Variants in CRIP1 observed in about 807,000 individuals in gnomAD.
CRIP1 encodes cysteine rich protein 1.
CRIP1 carries 11 observed loss-of-function variants against 12.9 expected under a neutral mutation model. The ratio of observed to expected loss-of-function variants is 0.86; its 90% CI spans 0.54 to 1.42. The LOEUF (loss-of-function observed/expected upper bound fraction) is 1.42. CRIP1 is among the 40% of genes most tolerant of loss of function. The probability of loss-of-function intolerance (pLI) is 0.00; values close to 1 mark genes in which losing one functional copy is unlikely to be tolerated. For synonymous variants in CRIP1, 41 were observed against 37.2 expected (o/e 1.10, Z -0.37); for missense variants, 122 against 101.3 (o/e 1.20, Z -0.88).
In CRIP1 at chr14:105,488,404, C is replaced by CG; in HGVS notation, c.193+16_193+17insG. The CG allele has an allele frequency of 4.0e-6, 3 of 747,040 alleles. No individual in the cohort carries two copies. The highest frequency in any genetic ancestry group is 6.5e-6 in the Non-Finnish European group (3 of 460,298). The allele number at this position is 747,040 out of a possible 1,614,324, so 46.3% of individuals were successfully genotyped here. On this transcript the variant is annotated intron_variant, in intron 4 of 5. Transcript: ENST00000392531. ...GGGCCTAAAGGTATGCTCCCGTCATCCCCACCCCACCCCACCCCACAGCCT... is the reference window on the plus strand; with the variant it reads ...GGGCCTAAAGGTATGCTCCCGTCATCGCCCACCCCACCCCACCCCACAGCCT...
intron 1 of CRIP1, 109 bp downstream of exon 1, chr14:105,487,081 A>T: frequency 7.3e-7 from 1 of 1,369,774 alleles, no homozygotes; most frequent in Non-Finnish European, 9.5e-7. Flanking sequence ...CTGGGCCTAG[A>T]TTCGAGGTCC....
intron 2 of CRIP1, 24 bp downstream of exon 2, chr14:105,487,323 G>A: frequency 6.5e-7 from 1 of 1,532,548 alleles, no homozygotes. Flanking sequence ...CACCGGCCCC[G>A]CGAGGAGGCG....
In CRIP1 at chr14:105,487,031, G is replaced by A. The variant is rs2084127175; in HGVS notation, c.-62+59G>A. ...CCGTCCTCAGTCAGGCCCGGGTCCT[G>A]CCTGAAGGCGGGGGTGGACCAGATG... On this transcript the variant is annotated intron_variant, in intron 1 of 5. Coordinates refer to ENST00000392531, the MANE Select transcript of CRIP1 (RefSeq NM_001311.5). 3 of 1,355,898 alleles carry A rather than the reference G, an allele frequency of 2.2e-6. No individual in the cohort carries two copies. The East Asian group carries it at 9.1e-5, about 41-fold the overall frequency. The allele number at this position is 1,355,898 out of a possible 1,614,324, so 84.0% of individuals were successfully genotyped here.
rs587660630 is a variant in CRIP1 at position 105,487,134 on chromosome 14, C to T, written c.-61-65C>T. The T allele has an allele frequency of 7.8e-6, 11 of 1,417,852 alleles. No homozygotes were observed. The East Asian group carries it at 2.9e-4, about 37-fold the overall frequency. The allele number at this position is 1,417,852 out of a possible 1,614,324, so 87.8% of individuals were successfully genotyped here. A position where few individuals can be genotyped will look rare whatever the true frequency, so the allele number is the denominator to read the frequency against. On this transcript the variant is annotated intron_variant, in intron 1 of 5. Transcript: ENST00000392531. The stretch of plus-strand genomic sequence containing the variant: ...GGTTCAGAGGGCGGGGCGCGAGGGG[C>T]GGGGTCTCCAAGGGGCGGGGTCCCG...
intron 4 of CRIP1, 34 bp downstream of exon 4, chr14:105,488,422 C>T (rs782633985): frequency 6.3e-7 from 1 of 1,598,192 alleles, no homozygotes; most frequent in South Asian, 1.1e-5. Flanking sequence ...CACCCCACCC[C>T]ACAGCCTCCT....
intron 2 of CRIP1, 94 bp downstream of exon 2, chr14:105,487,393 G>A: frequency 8.6e-7 from 1 of 1,161,966 alleles, no homozygotes; most frequent in Non-Finnish European, 1.2e-6. Context: ...CTGGGTCCCT[G>A]GGGCGGCGCC....
chr14:105,488,644 C>CAGAGAGAGACAGGCACAGA lies in CRIP1; in HGVS notation c.*6-19_*6-18insAGAGAGAGACAGGCACAGA. Reference sequence around the variant, plus strand: ...CGTGGACGCTGCACTCACGTCTGTGCCTGTCTCTCTCTGCACAGGTGGTGG... The same window carrying CAGAGAGAGACAGGCACAGA: ...CGTGGACGCTGCACTCACGTCTGTGCAGAGAGAGACAGGCACAGACTGTCTCTCTCTGCACAGGTGGTGG... On this transcript the variant is annotated intron_variant, in intron 5 of 5. Transcript: ENST00000392531. The CAGAGAGAGACAGGCACAGA allele has an allele frequency of 1.0e-6, 1 of 983,386 alleles. No individual in the cohort carries two copies. The highest frequency in any genetic ancestry group is 1.5e-6 in the Non-Finnish European group (1 of 651,796). 60.9% of individuals were successfully genotyped at this position (983,386 alleles called of 1,614,324 possible).
chr14:105,487,608 G>A (rs2084133163), intron 2 of CRIP1: 1 of 337,914 alleles, frequency 3.0e-6, no homozygotes. Flanking sequence ...GGACCCGCAG[G>A]GCTGGAAGGA....
intron 2 of CRIP1, chr14:105,487,527 C>T (rs1317175575): frequency 2.0e-6 from 1 of 509,942 alleles, no homozygotes; most frequent in East Asian, 3.5e-5. Context: ...CGGGCTACCT[C>T]TGGCTCTGAG....
intron 1 of CRIP1, 58 bp from the exon 2 acceptor site, chr14:105,487,141 T>C: frequency 6.9e-7 from 1 of 1,445,620 alleles, no homozygotes; most frequent in African/African-American, 1.5e-5. Context: ...GGGCGGGGTC[T>C]CCAAGGGGCG....
In CRIP1 at chr14:105,488,768, G is replaced by A. The variant is rs2084154586; in HGVS notation, c.*111G>A. 3.5e-6 allele frequency: 2 copies of A among 566,776 alleles called. No individual in the cohort carries two copies. The highest frequency in any genetic ancestry group is 6.3e-6 in the Non-Finnish European group (2 of 318,010). 35.1% of individuals were successfully genotyped at this position (566,776 alleles called of 1,614,324 possible). A position where few individuals can be genotyped will look rare whatever the true frequency, so the allele number is the denominator to read the frequency against. On this transcript the variant is annotated 3_prime_UTR_variant, in exon 6 of 6. Transcript: ENST00000392531. Reference sequence around the variant, plus strand: ...TCCCTTGTTGCCCCTAATGCTCTCAGTAAACCTGAACACTTGGAAAACCTG... The same window carrying A: ...TCCCTTGTTGCCCCTAATGCTCTCAATAAACCTGAACACTTGGAAAACCTG...
intron 2 of CRIP1, chr14:105,487,523 A>T (rs2141772484): frequency 1.9e-6 from 1 of 512,980 alleles, no homozygotes; most frequent in South Asian, 2.8e-5. Flanking sequence ...TCGGCGGGCT[A>T]CCTCTGGCTC....
chr14:105,487,999 C>T, intron 2 of CRIP1, 167 bp from the exon 3 acceptor site: 1 of 626,182 alleles, frequency 1.6e-6, no homozygotes, highest in Non-Finnish European at 2.8e-6. Context: ...TGGAGATGTT[C>T]CCCTCATGGA....
At chr14:105,487,940 C>T (rs2084137752) in intron 2 of CRIP1, 9 of 560,142 alleles carry the variant, frequency 1.6e-5, no homozygotes, top group East Asian at 8.8e-5. Flanking sequence ...GAAAGTGCCC[C>T]GGGGACCAGC....
rs201961496 is a variant in CRIP1 at position 105,488,490 on chromosome 14, C to G, written c.213C>G (p.Ala71=). The G allele has an allele frequency of 6.2e-7, 1 of 1,603,774 alleles. No homozygotes were observed. Among genetic ancestry groups the G allele is most frequent in the Admixed American group, 1.7e-5 (1 of 59,754 alleles). ...CTGCAGGCTTTGGGCGGGGCGGAGC[C>G]GAGAGCCACACTTTCAAGTAAACCA... ...FGPKGFGRGG[A]ESHTFK The change falls in exon 5 of 6, where the codon GCC becomes GCG. Residue 71 remains alanine, a synonymous_variant. Transcript: ENST00000392531.
rs1444653750 is a variant in CRIP1 at position 105,488,682 on chromosome 14, T to C, written c.*25T>C. 4.0e-6 allele frequency: 3 copies of C among 744,988 alleles called. No homozygotes were observed. The African/African-American group carries it at 5.3e-5, about 13-fold the overall frequency. The allele number at this position is 744,988 out of a possible 1,614,324, so 46.1% of individuals were successfully genotyped here. On this transcript the variant is annotated 3_prime_UTR_variant, in exon 6 of 6. Transcript: ENST00000392531. Reference sequence around the variant, plus strand: ...GCACAGGTGGTGGAGACCCCATCCTTGGCTGCTTGCAGGGCCACTGTCCAG... The same window carrying C: ...GCACAGGTGGTGGAGACCCCATCCTCGGCTGCTTGCAGGGCCACTGTCCAG...
At position 105,488,160 on chromosome 14, in the gene CRIP1, C is replaced by G; in HGVS notation, c.41-6C>G. The G allele has an allele frequency of 6.2e-7, 1 of 1,611,784 alleles. No individual in the cohort carries two copies. Among genetic ancestry groups the G allele is most frequent in the Non-Finnish European group, 8.5e-7 (1 of 1,179,814 alleles). ...GTCTCACCGGGGCCTGTCTGTGCCT[C>G]TGCAGCCGAGAGGGTGACCTCTCTG... is the stretch of plus-strand genomic sequence containing the variant. On this transcript the variant is annotated splice_polypyrimidine_tract_variant and splice_region_variant and intron_variant, in intron 2 of 5. Coordinates refer to ENST00000392531, the MANE Select transcript of CRIP1 (RefSeq NM_001311.5).
intron 1 of CRIP1, 29 bp from the exon 2 acceptor site, chr14:105,487,170 A>G: frequency 6.7e-7 from 1 of 1,501,844 alleles, no homozygotes; most frequent in Non-Finnish European, 8.9e-7. Context: ...GGGTCCCTGA[A>G]AGGCGCGGAC....
At chr14:105,487,013 C>T in intron 1 of CRIP1, 41 bp downstream of exon 1, 1 of 1,325,474 alleles carries the variant, frequency 7.5e-7, no homozygotes, top group Non-Finnish European at 9.7e-7. Flanking sequence ...GCTCCGTCCT[C>T]AGTCAGGCCC....
Sources: allele counts gnomAD v4.1 joint callset, GRCh38; gene constraint gnomAD v4.1.1; transcripts MANE v1.5; gene names NCBI Gene and HGNC (gene_info 2026-07-23, HGNC 2026-07-21).